The following CTNNA2 variants were observed in gnomAD, a reference collection of about 807,000 sequenced individuals.
CTNNA2 encodes catenin alpha-2.
CTNNA2 carries 42 observed loss-of-function variants against 101.0 expected under a neutral mutation model. That is an observed-to-expected ratio of 0.42 (90% CI 0.32 to 0.54). The LOEUF (loss-of-function observed/expected upper bound fraction) is 0.54. Ranked by LOEUF, CTNNA2 falls within the 20% of genes least tolerant of loss-of-function variation. The pLI, the probability that CTNNA2 is intolerant of heterozygous loss-of-function variation, is 0.14. For missense variants in CTNNA2, 871 were observed against 1,223.1 expected, an observed-to-expected ratio of 0.71 and a Z score of 4.29; for synonymous variants, 450 against 456.4, an observed-to-expected ratio of 0.99 and a Z score of 0.18.
chr2:80,174,360 TTA>T (rs1705262844), intron 7 of CTNNA2, among the ~76,000 whole-genome samples: 2 of 152,162 alleles, frequency 1.3e-5, no homozygotes, highest in Admixed American at 1.3e-4. Context: ...TACTCTTGTG[TTA>T]TGATACCCGC....
At chr2:79,847,435 CA>C (rs980934264) in intron 3 of CTNNA2, among the ~76,000 whole-genome samples, 4 of 146,474 alleles carry the variant, frequency 2.7e-5, no homozygotes, top group Non-Finnish European at 4.5e-5. Flanking sequence ...CCCAGCTACT[CA>C]GGGGGCTGAG....
intron 6 of CTNNA2, among the ~76,000 whole-genome samples, chr2:79,878,839 T>C (rs1235821025): frequency 6.6e-6 from 1 of 152,242 alleles, no homozygotes; most frequent in Non-Finnish European, 1.5e-5. Context: ...ATACCATTTG[T>C]CAATTTTGGC....
intron 3 of CTNNA2, among the ~76,000 whole-genome samples, chr2:79,837,620 A>G (rs1054510934): frequency 1.3e-5 from 2 of 152,080 alleles, no homozygotes; most frequent in Admixed American, 6.5e-5. Context: ...TTTTTCAGGT[A>G]CATATGTGGA....
At chr2:80,370,268 GTA>G (rs1675323407) in intron 7 of CTNNA2, among the ~76,000 whole-genome samples, 1 of 151,446 alleles carries the variant, frequency 6.6e-6, no homozygotes, top group Admixed American at 6.6e-5. Context: ...GTGTGTGTGT[GTA>G]TGTGTTTGTG....
chr2:80,357,896 T>C (rs1178871294), intron 7 of CTNNA2, among the ~76,000 whole-genome samples: 1 of 152,060 alleles, frequency 6.6e-6, no homozygotes, highest in Non-Finnish European at 1.5e-5. Context: ...TTATTGACAC[T>C]TGGTAATACA....
At chr2:80,498,009 C>T (rs772844584) in intron 9 of CTNNA2, among the ~76,000 whole-genome samples, 44 of 152,266 alleles carry the variant, frequency 2.9e-4, no homozygotes, top group African/African-American at 6.3e-4. Context: ...AGATAATAAA[C>T]GTGGGTTGCT....
intron 9 of CTNNA2, among the ~76,000 whole-genome samples, chr2:80,534,503 T>C (rs1043091058): frequency 1.2e-4 from 18 of 152,116 alleles, no homozygotes; most frequent in Admixed American, 6.5e-5. Context: ...ATTCAAAAAA[T>C]TGGAATTCAG....
chr2:79,969,329 C>CGTG (rs1281382215), intron 7 of CTNNA2, among the ~76,000 whole-genome samples: 1 of 152,170 alleles, frequency 6.6e-6, no homozygotes, highest in African/African-American at 2.4e-5. Context: ...TTTGGAGCCC[C>CGTG]GTGCTCTAAA....
intron 4 of CTNNA2, among the ~76,000 whole-genome samples, chr2:79,495,465 A>G (rs1002450776): frequency 4.6e-5 from 7 of 152,242 alleles, no homozygotes; most frequent in African/African-American, 1.7e-4. Flanking sequence ...AAATAAAAAT[A>G]ATAACATGTT....
At chr2:80,235,080 T>C (rs532594210) in intron 7 of CTNNA2, among the ~76,000 whole-genome samples, 2 of 152,296 alleles carry the variant, frequency 1.3e-5, no homozygotes, top group African/African-American at 4.8e-5. Context: ...TTTATTAAAA[T>C]TTAGAATGAA....
At position 79,338,584 on chromosome 2, in the gene CTNNA2, T is replaced by C. The variant is rs1196410390; in HGVS notation, c.-318+25788T>C. The stretch of plus-strand genomic sequence containing the variant: ...CTTCTTCTTCCTCCTCATCATCTTC[T>C]TCTTCTTCTTCTTCTTCTTCTTCTT... On this transcript the variant is annotated intron_variant, in intron 3 of 21. Coordinates refer to the CTNNA2 transcript ENST00000466387. 2.5e-3 allele frequency among the ~76,000 whole-genome samples: 309 copies of C among 125,442 alleles called. 1 individual carries two copies. Among genetic ancestry groups the C allele is most frequent in the East Asian group, 5.9e-3 (23 of 3,880 alleles). 82.3% of individuals were successfully genotyped at this position (125,442 alleles called of 152,430 possible).
intron 3 of CTNNA2, among the ~76,000 whole-genome samples, chr2:79,342,991 A>T (rs6754443): frequency 0.34 from 51,554 of 152,072 alleles, 9,090 homozygotes; most frequent in Admixed American, 0.44. Flanking sequence ...ATTTGGCAAG[A>T]TGTATCTTAA....
At chr2:80,624,793 A>G (rs1671516071) in intron 18 of CTNNA2, among the ~76,000 whole-genome samples, 2 of 151,956 alleles carry the variant, frequency 1.3e-5, no homozygotes. Flanking sequence ...GACTGGTAGG[A>G]GGCAGTGCCT....
chr2:80,085,574 A>G (rs1699387599), intron 7 of CTNNA2, among the ~76,000 whole-genome samples: 1 of 152,096 alleles, frequency 6.6e-6, no homozygotes, highest in Admixed American at 6.6e-5. Flanking sequence ...ATAATGGTTG[A>G]ATTCTAAAGG....
Position 80,004,021 on chromosome 2 carries a change from G to A in CTNNA2, c.1056+94224G>A, listed in dbSNP as rs77280496. ...TAGAAATTTCTATAGTGTAAACTGA[G>A]GCACGTTTGCTCTGTGGACTCTTCA... On this transcript the variant is annotated intron_variant, in intron 7 of 18. Coordinates refer to ENST00000402739, the MANE Select transcript of CTNNA2 (RefSeq NM_001282597.3). Among the ~76,000 whole-genome samples the A allele has an allele frequency of 2.0e-4, 30 of 152,224 alleles. No individual in the cohort carries two copies. The East Asian group carries it at 5.2e-3, about 26-fold the overall frequency.
chr2:79,419,589 G>A (rs1678518103), intron 4 of CTNNA2, among the ~76,000 whole-genome samples: 1 of 151,814 alleles, frequency 6.6e-6, no homozygotes, highest in Non-Finnish European at 1.5e-5. Flanking sequence ...AAAATAATAT[G>A]GTTTAAATAA....
intron 4 of CTNNA2, among the ~76,000 whole-genome samples, chr2:79,377,345 A>G (rs72818689): frequency 0.04 from 6,104 of 152,304 alleles, 194 homozygotes; most frequent in Non-Finnish European, 0.059. Flanking sequence ...TGAACAATCC[A>G]TACTATGCTG....
At chr2:80,084,779 A>G (rs191664174) in intron 7 of CTNNA2, among the ~76,000 whole-genome samples, 1 of 152,164 alleles carries the variant, frequency 6.6e-6, no homozygotes, top group East Asian at 1.9e-4. Context: ...AAGCAAAGGA[A>G]ATGGTCAGGG....
intron 11 of CTNNA2, among the ~76,000 whole-genome samples, chr2:80,554,043 A>G (rs1264512639): frequency 6.6e-6 from 1 of 152,230 alleles, no homozygotes; most frequent in African/African-American, 2.4e-5. Context: ...AGAATGTAGA[A>G]ATCAGCAATT....
Sources: allele counts gnomAD v4.1 joint callset (sites outside exome capture counted in the v4.1 genomes callset), GRCh38; gene constraint gnomAD v4.1.1; transcripts MANE v1.5; gene names NCBI Gene and HGNC (gene_info 2026-07-23, HGNC 2026-07-21).